Variants in PXN observed in about 807,000 individuals in gnomAD.
PXN encodes testicular tissue protein Li 134.
A neutral mutation model predicts 103.6 loss-of-function variants in PXN; 61 were observed. That is an observed-to-expected ratio of 0.59 (90% confidence interval 0.48 to 0.73). PXN has a LOEUF of 0.73. Ranked by LOEUF, PXN falls within the 30% of genes least tolerant of loss-of-function variation. The probability of loss-of-function intolerance (pLI) is 0.00; values close to 1 mark genes in which losing one functional copy is unlikely to be tolerated. For missense variants in PXN, 1,274 were observed against 1,460.3 expected (o/e 0.87, Z 2.08); for synonymous variants, 562 against 607.8 (o/e 0.92, Z 1.11).
Position 120,221,358 on chromosome 12 carries a change from C to T in PXN, c.831+265G>A, listed in dbSNP as rs1423977716. The stretch of plus-strand genomic sequence containing the variant: ...CCCTCGACCTGAGAGGCTGGGAGCA[C>T]CCAGGGAGGAAGGAATGTCCCAGCT... On this transcript the variant is annotated intron_variant, in intron 6 of 14. Transcript: ENST00000637617. The surrounding 1 kb of genome is among the most constrained non-coding windows in gnomAD (Gnocchi z 6.6). 6.6e-6 allele frequency among the ~76,000 whole-genome samples: 1 copy of T among 152,140 alleles called. No homozygotes were observed. Among genetic ancestry groups the T allele is most frequent in the Non-Finnish European group, 1.5e-5 (1 of 68,028 alleles).
rs1175320740 is a variant in PXN, at chr12:120,220,696, C to T, written c.832-605G>A. On this transcript the variant is annotated intron_variant, in intron 6 of 14. Transcript: ENST00000637617. This position sits in a 1 kb window ranked among gnomAD's most constrained non-coding sequence, Gnocchi z 6.1. ...TGCTTCTGACCATGGCTGCTCAGAA[C>T]CACTGGCCTGGAGCTGGAACTATAG... 2.6e-5 allele frequency among the ~76,000 whole-genome samples: 4 copies of T among 152,206 alleles called. No individual in the cohort carries two copies. The highest frequency in any genetic ancestry group is 9.6e-5 in the African/African-American group (4 of 41,458).
chr12:120,256,599 T>TA (rs1203783544), intron 1 of PXN, among the ~76,000 whole-genome samples: 1 of 151,982 alleles, frequency 6.6e-6, no homozygotes, highest in Non-Finnish European at 1.5e-5. Flanking sequence ...CGTGAGCAAA[T>TA]AGAGGCCATC....
rs1439379432 is a variant in PXN at position 120,228,081 on chromosome 12, C to T, written c.14-3704G>A. Among the ~76,000 whole-genome samples the T allele has an allele frequency of 1.3e-5, 2 of 152,204 alleles. No individual in the cohort carries two copies. The highest frequency in any genetic ancestry group is 4.8e-5 in the African/African-American group (2 of 41,450). On this transcript the variant is annotated intron_variant, in intron 1 of 14. Coordinates refer to ENST00000637617, the MANE Select transcript of PXN (RefSeq NM_001385981.1). This position sits in a 1 kb window ranked among gnomAD's most constrained non-coding sequence, Gnocchi z 4.7. ...TATCCACTCTTCAGAGAAAATGGTA[C>T]CCACTGAAACCATTCAAGACCAGGA... is the stretch of plus-strand genomic sequence containing the variant.
Position 120,215,737 on chromosome 12 carries a change from C to A in PXN, c.2302-76G>T. The A allele has an allele frequency of 6.9e-7, 1 of 1,440,902 alleles. No homozygotes were observed. The highest frequency in any genetic ancestry group is 9.3e-7 in the Non-Finnish European group (1 of 1,080,552). The allele number at this position is 1,440,902 out of a possible 1,614,324, so 89.3% of individuals were successfully genotyped here. Reference sequence around the variant, plus strand: ...AAGAATACAAGACCTTGTCACTGGACTAAAAGGGAATCTAGGATGAGATCT... The same window carrying A: ...AAGAATACAAGACCTTGTCACTGGAATAAAAGGGAATCTAGGATGAGATCT... On this transcript the variant is annotated intron_variant, in intron 9 of 14. Coordinates refer to ENST00000637617, the MANE Select transcript of PXN (RefSeq NM_001385981.1). This position sits in a 1 kb window ranked among gnomAD's most constrained non-coding sequence, Gnocchi z 4.9.
chr12:120,231,608 C>T (rs1334706025), intron 1 of PXN, among the ~76,000 whole-genome samples: 2 of 152,164 alleles, frequency 1.3e-5, no homozygotes, highest in Non-Finnish European at 2.9e-5. Context: ...CCCCAGGCTT[C>T]CTACAGGCCT....
At chr12:120,255,083 C>G (rs1303391292) in intron 1 of PXN, among the ~76,000 whole-genome samples, 1 of 152,094 alleles carries the variant, frequency 6.6e-6, no homozygotes, top group Non-Finnish European at 1.5e-5. Flanking sequence ...CCGGAAGAAT[C>G]TGGACAATAG....
chr12:120,240,986 A>C, intron 1 of PXN, among the ~76,000 whole-genome samples: 1 of 152,154 alleles, frequency 6.6e-6, no homozygotes, highest in Admixed American at 6.5e-5. Flanking sequence ...AAAGGGAGGA[A>C]GAGAGCCCCC....
At chr12:120,243,686 A>G (rs998385903) in intron 1 of PXN, among the ~76,000 whole-genome samples, 1 of 152,110 alleles carries the variant, frequency 6.6e-6, no homozygotes, top group Non-Finnish European at 1.5e-5. Context: ...GAGAAATCCT[A>G]TCTCTTAAAA....
At chr12:120,223,871 G>C in intron 2 of PXN, 38 bp from the exon 3 acceptor site, 1 of 1,463,442 alleles carries the variant, frequency 6.8e-7, no homozygotes, top group Non-Finnish European at 9.4e-7. Context: ...ACCCCGAGGG[G>C]AGAAAAAGGA....
At chr12:120,226,086 T>A in intron 1 of PXN, 1 of 1,119,840 alleles carries the variant, frequency 8.9e-7, no homozygotes, top group Non-Finnish European at 1.1e-6. Flanking sequence ...AGTTGGTAGG[T>A]ATCTAGGTAA....
At chr12:120,262,650 A>G (rs1894048832) in intron 1 of PXN, among the ~76,000 whole-genome samples, 1 of 152,214 alleles carries the variant, frequency 6.6e-6, no homozygotes, top group South Asian at 2.1e-4. Context: ...GATCATGATT[A>G]GACCACAGTT....
At chr12:120,226,746 G>A (rs937341100) in intron 1 of PXN, 1 of 1,085,762 alleles carries the variant, frequency 9.2e-7, no homozygotes, top group Non-Finnish European at 1.1e-6. Context: ...CTGAGTTCAA[G>A]TGCCAGCTCC....
In PXN at chr12:120,225,069, C is replaced by G. The variant is rs115665528; in HGVS notation, c.14-692G>C. On this transcript the variant is annotated intron_variant, in intron 1 of 14. Coordinates refer to ENST00000637617, the MANE Select transcript of PXN (RefSeq NM_001385981.1). This position sits in a 1 kb window ranked among gnomAD's most constrained non-coding sequence, Gnocchi z 4.4. ...GGCAAGCAGCCCGGCCCCAGAGGCT[C>G]CAGGCCCCCACTGTTCTGCTTTTAA... 3.4e-3 allele frequency: 880 copies of G among 260,578 alleles called. 10 individuals are homozygous for G. Among genetic ancestry groups the G allele is most frequent in the African/African-American group, 0.019 (856 of 45,236 alleles). The allele number at this position is 260,578 out of a possible 1,614,324, so 16.1% of individuals were successfully genotyped here. A position where few individuals can be genotyped will look rare whatever the true frequency, so the allele number is the denominator to read the frequency against.
intron 1 of PXN, among the ~76,000 whole-genome samples, chr12:120,263,425 C>T (rs977256920): frequency 6.6e-6 from 1 of 152,146 alleles, no homozygotes; most frequent in Non-Finnish European, 1.5e-5. Context: ...TACAGGTGAT[C>T]GCCATCACCC....
intron 1 of PXN, among the ~76,000 whole-genome samples, chr12:120,253,999 G>A (rs1892611151): frequency 6.6e-6 from 1 of 152,242 alleles, no homozygotes; most frequent in Non-Finnish European, 1.5e-5. Context: ...TCCTGCCTCA[G>A]GCTCCCAAGT....
intron 1 of PXN, among the ~76,000 whole-genome samples, chr12:120,261,870 C>T (rs2136729035): frequency 6.6e-6 from 1 of 152,368 alleles, no homozygotes; most frequent in African/African-American, 2.4e-5. Flanking sequence ...CAGACAGCTT[C>T]ACATATCAGA....
intron 1 of PXN, among the ~76,000 whole-genome samples, chr12:120,231,358 A>T (rs753833928): frequency 2.0e-5 from 3 of 152,226 alleles, no homozygotes; most frequent in African/African-American, 4.8e-5. Flanking sequence ...ATGAGAAACG[A>T]TCAATACCAT....
At chr12:120,244,041 C>T (rs1404253248) in intron 1 of PXN, among the ~76,000 whole-genome samples, 4 of 151,738 alleles carry the variant, frequency 2.6e-5, no homozygotes, top group Admixed American at 2.6e-4. Flanking sequence ...GCCACTTCAG[C>T]TCATGCCACC....
chr12:120,235,471 C>A (rs1003010048), intron 1 of PXN, among the ~76,000 whole-genome samples: 2 of 152,106 alleles, frequency 1.3e-5, no homozygotes, highest in African/African-American at 4.8e-5. Flanking sequence ...TGCCTGACTG[C>A]AGAGATCACC....
Sources: gnomAD v4.1 joint callset for allele counts (sites outside exome capture counted in the v4.1 genomes callset) on GRCh38, gnomAD v4.1.1 for gene constraint, Gnocchi (gnomAD v3.1) non-coding constraint, MANE v1.5 for transcripts, NCBI Gene and HGNC (gene_info 2026-07-23, HGNC 2026-07-21) for gene names.